The following FHOD3 variants were observed in gnomAD, a reference collection of about 807,000 sequenced individuals.
FHOD3 encodes the protein formin homology 2 domain containing 3.
Under a neutral mutation model 173.0 loss-of-function variants are expected in FHOD3, and 90 were observed. That is an observed-to-expected ratio of 0.52 (90% CI 0.44 to 0.62). FHOD3 has a LOEUF of 0.62. FHOD3 is among the 20% of genes least tolerant of loss of function. FHOD3 has a pLI of 0.00. For missense variants in FHOD3, 1,945 were observed against 2,034.7 expected (o/e 0.96, Z 0.85); for synonymous variants, 828 against 823.0 (o/e 1.01, Z -0.10).
At chr18:36,646,714 C>A (rs2035709479) in intron 10 of FHOD3, among the ~76,000 whole-genome samples, 1 of 152,104 alleles carries the variant, frequency 6.6e-6, no homozygotes, top group South Asian at 2.1e-4. Context: ...AAATGTAAAT[C>A]TGAAAGTTAG....
At chr18:36,406,846 C>T (rs1598995439) in intron 3 of FHOD3, among the ~76,000 whole-genome samples, 1 of 152,244 alleles carries the variant, frequency 6.6e-6, no homozygotes, top group African/African-American at 2.4e-5. Flanking sequence ...TGTGATCAGA[C>T]CATGTGTGTG....
chr18:36,625,375 A>C (rs1199940466), intron 9 of FHOD3, 136 bp from the exon 10 acceptor site: 2 of 703,940 alleles, frequency 2.8e-6, no homozygotes, highest in Non-Finnish European at 4.2e-6. Flanking sequence ...AAGACCTGGC[A>C]GGGAAGCTGA....
chr18:36,622,631 G>A (rs2033802927), intron 9 of FHOD3, among the ~76,000 whole-genome samples: 1 of 152,340 alleles, frequency 6.6e-6, no homozygotes, highest in South Asian at 2.1e-4. Context: ...TAGAGGTCTT[G>A]CAGGACTGGC....
intron 5 of FHOD3, among the ~76,000 whole-genome samples, chr18:36,537,816 G>GT (rs1342019196): frequency 6.6e-6 from 1 of 152,140 alleles, no homozygotes; most frequent in Non-Finnish European, 1.5e-5. Context: ...AGGATATAGT[G>GT]TAAGTCAGTA....
intron 5 of FHOD3, among the ~76,000 whole-genome samples, chr18:36,535,266 T>A (rs2056950101): frequency 1.3e-5 from 2 of 152,186 alleles, no homozygotes; most frequent in South Asian, 4.1e-4. Flanking sequence ...TCATCCCAGA[T>A]TGGAAGATCC....
chr18:36,726,819 C>T (rs891804942), intron 19 of FHOD3, among the ~76,000 whole-genome samples: 2 of 152,130 alleles, frequency 1.3e-5, no homozygotes, highest in African/African-American at 4.8e-5. Flanking sequence ...GGACTACAGG[C>T]ACGTGCCACC....
At chr18:36,622,214 T>TA (rs2033768784) in intron 9 of FHOD3, among the ~76,000 whole-genome samples, 1 of 152,202 alleles carries the variant, frequency 6.6e-6, no homozygotes. Flanking sequence ...TCAGCAAGCA[T>TA]AAAGTTTTAG....
chr18:36,347,139 GATA>G (rs1474750753), intron 1 of FHOD3, among the ~76,000 whole-genome samples: 5 of 152,266 alleles, frequency 3.3e-5, no homozygotes, highest in South Asian at 2.1e-4. Flanking sequence ...ACAAGCCAGT[GATA>G]ATAATAATCC....
At chr18:36,516,791 C>T (rs987824722) in intron 5 of FHOD3, among the ~76,000 whole-genome samples, 19 of 152,092 alleles carry the variant, frequency 1.2e-4, no homozygotes, top group Non-Finnish European at 2.4e-4. Context: ...TATTGCAAAC[C>T]GTAAGTTGGG....
chr18:36,660,186 T>C (rs1480904874), intron 14 of FHOD3, among the ~76,000 whole-genome samples: 1 of 152,100 alleles, frequency 6.6e-6, no homozygotes, highest in Non-Finnish European at 1.5e-5. Context: ...GGAGAATCAC[T>C]TGAACCTGGG....
intron 1 of FHOD3, among the ~76,000 whole-genome samples, chr18:36,338,198 C>G (rs545865415): frequency 6.6e-6 from 1 of 152,274 alleles, no homozygotes; most frequent in South Asian, 2.1e-4. Flanking sequence ...CATATTGCAT[C>G]TGAGGAAAAA....
At chr18:36,508,051 C>T (rs575188093) in intron 4 of FHOD3, among the ~76,000 whole-genome samples, 3 of 152,122 alleles carry the variant, frequency 2.0e-5, no homozygotes, top group Non-Finnish European at 4.4e-5. Flanking sequence ...AAAAGAACCA[C>T]CAAAAACTCC....
At chr18:36,549,929 T>C (rs2057575106) in intron 5 of FHOD3, among the ~76,000 whole-genome samples, 1 of 151,764 alleles carries the variant, frequency 6.6e-6, no homozygotes, top group Non-Finnish European at 1.5e-5. Flanking sequence ...GTTTTAGTTT[T>C]AGGTTTTAAA....
At chr18:36,757,354 C>T (rs956495522) in intron 25 of FHOD3, among the ~76,000 whole-genome samples, 1 of 152,254 alleles carries the variant, frequency 6.6e-6, no homozygotes, top group East Asian at 1.9e-4. Flanking sequence ...AAAACTACAG[C>T]CTTGGGTTTT....
chr18:36,344,784 A>G (rs2045801361), intron 1 of FHOD3, among the ~76,000 whole-genome samples: 1 of 152,178 alleles, frequency 6.6e-6, no homozygotes. Context: ...TATTCCACTT[A>G]TAAGAGATAC....
At chr18:36,740,532 TATA>T in intron 20 of FHOD3, 121 bp from the exon 21 acceptor site, 1 of 995,402 alleles carries the variant, frequency 1.0e-6, no homozygotes, top group Non-Finnish European at 1.5e-6. Flanking sequence ...TTTATGACAA[TATA>T]ACACCTGTAC....
rs149346947 is a variant in FHOD3 at position 36,679,314 on chromosome 18, G to A, written c.1836-2122G>A. Among the ~76,000 whole-genome samples the A allele has an allele frequency of 4.2e-3, 635 of 151,822 alleles. 7 individuals are homozygous for A. Among genetic ancestry groups the A allele is most frequent in the African/African-American group, 0.014 (600 of 41,404 alleles). ...GCCCTTTTTCTTGAATAATTTTGAT[G>A]GAACTTGTCTATTAGGTTTTTCACA... On this transcript the variant is annotated intron_variant, in intron 14 of 28. Transcript: ENST00000590592.
At chr18:36,732,850 C>G (rs2041438851) in intron 20 of FHOD3, among the ~76,000 whole-genome samples, 1 of 152,188 alleles carries the variant, frequency 6.6e-6, no homozygotes, top group Non-Finnish European at 1.5e-5. Context: ...CAAAGCGTGT[C>G]CCCGCAGACC....
At chr18:36,607,961 C>T (rs78960143) in intron 8 of FHOD3, among the ~76,000 whole-genome samples, 1,683 of 152,314 alleles carry the variant, frequency 0.011, 36 homozygotes, top group African/African-American at 0.039. Context: ...TCTAAGAAGG[C>T]TCTGACTTTT....
Sources: allele counts gnomAD v4.1 joint callset (sites outside exome capture counted in the v4.1 genomes callset), GRCh38; gene constraint gnomAD v4.1.1; transcripts MANE v1.5; gene names NCBI Gene and HGNC (gene_info 2026-07-23, HGNC 2026-07-21).